The following ERBIN variants were observed in gnomAD, a reference collection of about 807,000 sequenced individuals.
The protein encoded by ERBIN is densin-180-like protein.
Under a neutral mutation model 158.4 loss-of-function variants are expected in ERBIN, and 60 were observed. The observed-to-expected ratio is 0.38, with a 90% confidence interval of 0.31 to 0.47. The LOEUF is 0.47. Among genes scored for constraint, ERBIN ranks in the 20% least tolerant of loss-of-function variants. The pLI is 0.99. For missense variants in ERBIN, 1,610 were observed against 1,648.0 expected, an observed-to-expected ratio of 0.98 and a Z score of 0.40; for synonymous variants, 594 against 557.2, an observed-to-expected ratio of 1.07 and a Z score of -0.93.
At chr5:66,069,108 T>A (rs1403486534) in intron 21 of ERBIN, 3 of 1,240,150 alleles carry the variant, frequency 2.4e-6, no homozygotes, top group East Asian at 5.4e-5. Flanking sequence ...GGAAAAAAAA[T>A]GTTTACTCTG....
At chr5:66,040,637 C>A (rs1316126804) in intron 15 of ERBIN, among the ~76,000 whole-genome samples, 3 of 151,754 alleles carry the variant, frequency 2.0e-5, no homozygotes, top group Non-Finnish European at 4.4e-5. Flanking sequence ...ATAAGAAAGG[C>A]TTTTGTCTTT....
intron 1 of ERBIN, among the ~76,000 whole-genome samples, chr5:65,941,886 A>T (rs1197657962): frequency 6.6e-6 from 1 of 151,936 alleles, no homozygotes; most frequent in African/African-American, 2.4e-5. Flanking sequence ...GACTACAGGT[A>T]CCCGCCGCCA....
At chr5:65,966,153 G>A (rs569662244) in intron 1 of ERBIN, among the ~76,000 whole-genome samples, 1 of 152,282 alleles carries the variant, frequency 6.6e-6, no homozygotes, top group South Asian at 2.1e-4. Context: ...TTATAATGAA[G>A]CTGAAAAATA....
At chr5:66,047,195 T>C (rs958384045) in intron 18 of ERBIN, among the ~76,000 whole-genome samples, 11 of 152,136 alleles carry the variant, frequency 7.2e-5, no homozygotes, top group African/African-American at 2.7e-4. Flanking sequence ...ATTTGCCTAT[T>C]CTTGACATTT....
intron 1 of ERBIN, among the ~76,000 whole-genome samples, chr5:65,963,620 A>C (rs1222577546): frequency 1.3e-5 from 2 of 151,834 alleles, no homozygotes; most frequent in Non-Finnish European, 2.9e-5. Flanking sequence ...AAAAACCAAC[A>C]AAAAAAACTA....
chr5:65,978,529 G>A (rs371164629), intron 1 of ERBIN, among the ~76,000 whole-genome samples: 1 of 152,238 alleles, frequency 6.6e-6, no homozygotes, highest in African/African-American at 2.4e-5. Flanking sequence ...AAGCCTTAGT[G>A]ATCTGAATTT....
intron 7 of ERBIN, among the ~76,000 whole-genome samples, chr5:66,015,545 T>C (rs1754625987): frequency 6.6e-6 from 1 of 152,182 alleles, no homozygotes; most frequent in African/African-American, 2.4e-5. Context: ...TAAAATTTTT[T>C]AGGTGTACAG....
chr5:65,965,998 G>T (rs115608056), intron 1 of ERBIN, among the ~76,000 whole-genome samples: 1,811 of 152,214 alleles, frequency 0.012, 40 homozygotes, highest in African/African-American at 0.042. Flanking sequence ...CTATAACAAG[G>T]TATGTTAGGC....
chr5:66,008,278 G>T (rs2151093822), intron 4 of ERBIN, among the ~76,000 whole-genome samples: 1 of 152,184 alleles, frequency 6.6e-6, no homozygotes, highest in African/African-American at 2.4e-5. Context: ...AATTAGCCGG[G>T]CGTGGTGGCG....
intron 1 of ERBIN, among the ~76,000 whole-genome samples, chr5:65,948,768 T>TTTTG (rs1746128652): frequency 1.4e-5 from 2 of 141,224 alleles, no homozygotes; most frequent in Non-Finnish European, 3.1e-5. Context: ...TTGCGTTTTT[T>TTTTG]TTTTTTTTTT....
At position 66,022,167 on chromosome 5, in the gene ERBIN, G is replaced by A. The variant is rs569056353; in HGVS notation, c.597+782G>A. 1.5e-4 allele frequency among the ~76,000 whole-genome samples: 23 copies of A among 152,166 alleles called. No individual in the cohort carries two copies. In the South Asian group the frequency reaches 2.5e-3, roughly 16 times the overall value. ...TTATAAATTTCAGCTGAGGTTTGAG[G>A]AGGAACATGGTACTTTGGAGTACCT... On this transcript the variant is annotated intron_variant, in intron 8 of 25. Coordinates refer to ENST00000284037, the MANE Select transcript of ERBIN (RefSeq NM_001253697.2).
chr5:66,050,706 C>T (rs1758931901), intron 19 of ERBIN, 77 bp from the exon 20 acceptor site: 10 of 887,588 alleles, frequency 1.1e-5, no homozygotes, highest in Non-Finnish European at 1.5e-5. Flanking sequence ...GGTATAATTG[C>T]CATTTGTCAT....
chr5:66,010,692 A>G (rs1754108497), intron 4 of ERBIN, among the ~76,000 whole-genome samples: 1 of 152,208 alleles, frequency 6.6e-6, no homozygotes, highest in Non-Finnish European at 1.5e-5. Flanking sequence ...AGGGTCTGAA[A>G]TGGTTCTCTA....
At chr5:65,983,203 G>A (rs1041799295) in intron 1 of ERBIN, among the ~76,000 whole-genome samples, 1 of 152,130 alleles carries the variant, frequency 6.6e-6, no homozygotes, top group African/African-American at 2.4e-5. Context: ...ATAATACCCA[G>A]CTTTCTTCTT....
At chr5:66,068,761 T>C (rs762042613) in intron 21 of ERBIN, 66 of 869,928 alleles carry the variant, frequency 7.6e-5, no homozygotes, top group Non-Finnish European at 1.0e-4. Context: ...AAATTAGTGT[T>C]GCATGATACT....
intron 21 of ERBIN, among the ~76,000 whole-genome samples, chr5:66,071,265 A>C (rs183815126): frequency 3.9e-5 from 6 of 152,256 alleles, no homozygotes; most frequent in East Asian, 3.9e-4. Context: ...GCTACTCAGA[A>C]GACTGAGGTG....
rs1277436208 is a variant in ERBIN at position 66,018,553 on chromosome 5, TTA to T, written c.534-2764_534-2763del. On this transcript the variant is annotated intron_variant, in intron 7 of 25. Transcript: ENST00000284037. ...TATATTATATAATATATATTATATA[TTA>T]TATAATATATATTATATTATATAAT... is the stretch of plus-strand genomic sequence containing the variant. Among the ~76,000 whole-genome samples the T allele has an allele frequency of 5.5e-3, 40 of 7,288 alleles. 19 individuals are homozygous for T. The highest frequency in any genetic ancestry group is 8.5e-3 in the South Asian group (2 of 234). The allele number at this position is 7,288 out of a possible 152,430, so 4.8% of individuals were successfully genotyped here.
chr5:65,997,761 A>G lies in ERBIN; in HGVS notation c.307+2897A>G, dbSNP rs572391950. 8.0e-4 allele frequency among the ~76,000 whole-genome samples: 122 copies of G among 152,322 alleles called. 2 individuals carry two copies. In the South Asian group the frequency reaches 0.017, roughly 21 times the overall value. ...TCATATTCCACAGCTCTTAGCTTCA[A>G]AGTCATTCTTTGTCCTAATGATATG... On this transcript the variant is annotated intron_variant, in intron 4 of 25. Transcript: ENST00000284037.
intron 1 of ERBIN, among the ~76,000 whole-genome samples, chr5:65,972,830 G>A (rs1749413683): frequency 6.6e-6 from 1 of 151,320 alleles, no homozygotes. Context: ...GGTGTTGAGA[G>A]TGATCTAGCT....
Sources: gnomAD v4.1 joint callset for allele counts (sites outside exome capture counted in the v4.1 genomes callset) on GRCh38, gnomAD v4.1.1 for gene constraint, MANE v1.5 for transcripts, NCBI Gene and HGNC (gene_info 2026-07-23, HGNC 2026-07-21) for gene names.